The following MTMR7 variants were observed in gnomAD, a reference collection of about 807,000 sequenced individuals.
The protein encoded by MTMR7 is myotubularin related protein 7, also known as phosphatidylinositol-3-phosphate phosphatase MTMR7.
A neutral mutation model predicts 81.2 loss-of-function variants in MTMR7; 76 were observed. The ratio of observed to expected loss-of-function variants is 0.94; its 90% confidence interval spans 0.78 to 1.13. The LOEUF (loss-of-function observed/expected upper bound fraction) is 1.13, where lower values mean the gene tolerates loss of function less well. Among genes scored for constraint, MTMR7 ranks in the 50% most tolerant of loss-of-function variants. MTMR7 has a pLI of 0.00. For missense variants in MTMR7, 1,044 were observed against 820.0 expected (o/e 1.27, Z -3.34); for synonymous variants, 372 against 289.8 (o/e 1.28, Z -2.88).
At position 17,405,865 on chromosome 8, in the gene MTMR7, C is replaced by A. The variant is rs879376142; in HGVS notation, c.24+7404G>T. ...ACACACACACACACACACACACACACACACACACACACACCACAGAGAAAA... is the reference window on the plus strand; with the variant it reads ...ACACACACACACACACACACACACAAACACACACACACACCACAGAGAAAA... On this transcript the variant is annotated intron_variant, in intron 1 of 13. Transcript: ENST00000180173. 5.1e-3 allele frequency among the ~76,000 whole-genome samples: 498 copies of A among 97,898 alleles called. 2 individuals carry two copies. The highest frequency in any genetic ancestry group is 0.014 in the Middle Eastern group (3 of 220). The allele number at this position is 97,898 out of a possible 152,430, so 64.2% of individuals were successfully genotyped here. A position where few individuals can be genotyped will look rare whatever the true frequency, so the allele number is the denominator to read the frequency against.
chr8:17,352,873 T>C (rs770314977), intron 4 of MTMR7, among the ~76,000 whole-genome samples: 2 of 152,172 alleles, frequency 1.3e-5, no homozygotes, highest in African/African-American at 2.4e-5. Context: ...GTAACCACTA[T>C]GGACAACAGC....
chr8:17,324,140 T>A (rs1022091688), intron 7 of MTMR7, among the ~76,000 whole-genome samples: 2 of 152,212 alleles, frequency 1.3e-5, no homozygotes, highest in African/African-American at 4.8e-5. Flanking sequence ...AAGCAAGATC[T>A]TTCCTTCCTG....
chr8:17,379,138 T>C (rs1820684166), intron 1 of MTMR7, among the ~76,000 whole-genome samples: 1 of 152,012 alleles, frequency 6.6e-6, no homozygotes, highest in Non-Finnish European at 1.5e-5. Context: ...GCTGCTGAGA[T>C]GGAGTAAGGC....
intron 7 of MTMR7, among the ~76,000 whole-genome samples, chr8:17,330,042 T>C (rs1332191845): frequency 6.6e-6 from 1 of 152,192 alleles, no homozygotes; most frequent in Non-Finnish European, 1.5e-5. Flanking sequence ...CAGCAGGTAA[T>C]GCAGCCCCAA....
Position 17,300,136 on chromosome 8 carries a change from G to A in MTMR7, c.1709C>T (p.Thr570Ile). 1.2e-6 allele frequency: 2 copies of A among 1,614,086 alleles called. No homozygotes were observed. Among genetic ancestry groups the A allele is most frequent in the Non-Finnish European group, 8.5e-7 (1 of 1,180,008 alleles). Residue 570 changes from threonine to isoleucine, a missense_variant, in exon 14 of 14, where the codon ACC becomes ATC. Thr to Ile is a moderately conservative substitution (Grantham distance 89). Coordinates refer to ENST00000180173, the MANE Select transcript of MTMR7 (RefSeq NM_004686.5). Reference sequence around the variant, plus strand: ...AGTGTTGGCTATGCTGTTGTCTGAGGTAGAAAACCCTGAGTGCTTGCTGGG... The same window carrying A: ...AGTGTTGGCTATGCTGTTGTCTGAGATAGAAAACCCTGAGTGCTTGCTGGG... ...SEPSKHSGFS[T>I]SDNSIANTPQ... is the part of the protein sequence containing the mutation.
intron 3 of MTMR7, among the ~76,000 whole-genome samples, chr8:17,367,756 A>G (rs986276594): frequency 1.3e-5 from 2 of 152,160 alleles, no homozygotes; most frequent in South Asian, 2.1e-4. Flanking sequence ...TTCCCTTTCA[A>G]TAGTTACACC....
At chr8:17,329,095 G>A (rs1212681823) in intron 7 of MTMR7, among the ~76,000 whole-genome samples, 1 of 152,164 alleles carries the variant, frequency 6.6e-6, no homozygotes, top group African/African-American at 2.4e-5. Flanking sequence ...CATAACAGTA[G>A]TAAAAAATAA....
In MTMR7 at chr8:17,361,210, T is replaced by G; in HGVS notation, c.375A>C (p.Gln125His). The G allele has an allele frequency of 6.2e-7, 1 of 1,614,154 alleles. No individual in the cohort carries two copies. The highest frequency in any genetic ancestry group is 8.5e-7 in the Non-Finnish European group (1 of 1,180,000). ...NPMLDKEERE[Q>H]GWVLIDLSEE... ...CACTAAGATCGATCAGCACCCAGCCTTGCTCTCTTTCTTCTTTATCCAGCA... is the reference window on the plus strand; with the variant it reads ...CACTAAGATCGATCAGCACCCAGCCGTGCTCTCTTTCTTCTTTATCCAGCA... Residue 125 changes from glutamine (Q) to histidine (H), a missense_variant, in exon 4 of 14, where the codon CAA becomes CAC. Gln to His is a conservative substitution (Grantham distance 24). Transcript: ENST00000180173.
At chr8:17,335,333 C>A (rs568843372) in intron 6 of MTMR7, among the ~76,000 whole-genome samples, 18 of 152,230 alleles carry the variant, frequency 1.2e-4, no homozygotes, top group African/African-American at 3.9e-4. Flanking sequence ...GCATAAATGA[C>A]TGGATAACAG....
chr8:17,408,395 CAAAAAA>C (rs530240881), intron 1 of MTMR7, among the ~76,000 whole-genome samples: 3 of 23,488 alleles, frequency 1.3e-4, no homozygotes, highest in African/African-American at 2.8e-4. Context: ...GACTCCGTCT[CAAAAAA>C]AAAAAAAAAA....
chr8:17,390,137 C>T (rs574065702), intron 1 of MTMR7, among the ~76,000 whole-genome samples: 49 of 151,514 alleles, frequency 3.2e-4, no homozygotes, highest in Non-Finnish European at 6.9e-4. Flanking sequence ...AAAGAAATAA[C>T]TGACACTGGG....
chr8:17,329,549 C>G (rs1250066329), intron 7 of MTMR7, among the ~76,000 whole-genome samples: 1 of 152,108 alleles, frequency 6.6e-6, no homozygotes, highest in Non-Finnish European at 1.5e-5. Context: ...AAACAAAAGC[C>G]AAATGTGTAT....
rs140695671 is a variant in MTMR7, at chr8:17,373,227, C to A, written c.38G>T (p.Arg13Leu). 1 of 1,611,786 alleles carries A rather than the reference C, an allele frequency of 6.2e-7. No homozygotes were observed. The highest frequency in any genetic ancestry group is 8.5e-7 in the Non-Finnish European group (1 of 1,178,980). ...HIRTPKVENV[R>L]LVDRVSPKKA... ...TTTAGGAGACACTCGATCTACCAAG[C>A]GGACATTTTCAACCTAGAGAAATCG... Residue 13 changes from arginine to leucine, a missense_variant, in exon 2 of 14, where the codon CGC (arginine) becomes CTC (leucine). By Grantham distance (102) the Arg-to-Leu change is moderately radical. Coordinates refer to ENST00000180173, the MANE Select transcript of MTMR7 (RefSeq NM_004686.5).
chr8:17,376,449 A>G (rs771061865), intron 1 of MTMR7, among the ~76,000 whole-genome samples: 2 of 152,170 alleles, frequency 1.3e-5, no homozygotes, highest in African/African-American at 2.4e-5. Flanking sequence ...TCTTGGCTAT[A>G]CTTAGGAGCA....
intron 1 of MTMR7, among the ~76,000 whole-genome samples, chr8:17,390,175 G>A (rs769911066): frequency 6.4e-4 from 97 of 152,094 alleles, no homozygotes; most frequent in Non-Finnish European, 9.1e-4. Flanking sequence ...AGGTTTAATC[G>A]GCTCGTGGTT....
At chr8:17,310,991 C>T (rs528874934) in intron 9 of MTMR7, among the ~76,000 whole-genome samples, 2 of 152,160 alleles carry the variant, frequency 1.3e-5, no homozygotes, top group Non-Finnish European at 2.9e-5. Context: ...ATATACTCGT[C>T]ATTTCAGCAA....
intron 12 of MTMR7, among the ~76,000 whole-genome samples, chr8:17,302,890 T>G (rs1360238716): frequency 1.3e-5 from 2 of 151,828 alleles, no homozygotes; most frequent in Non-Finnish European, 2.9e-5. Flanking sequence ...ATATTTTTTT[T>G]AGTAGAGACA....
chr8:17,382,871 A>T (rs1820801547), intron 1 of MTMR7, among the ~76,000 whole-genome samples: 1 of 152,216 alleles, frequency 6.6e-6, no homozygotes, highest in African/African-American at 2.4e-5. Flanking sequence ...TAAAATACAC[A>T]ACAGTTAATG....
At chr8:17,347,045 A>G (rs1028499263) in intron 5 of MTMR7, among the ~76,000 whole-genome samples, 2 of 151,816 alleles carry the variant, frequency 1.3e-5, no homozygotes, top group Admixed American at 1.3e-4. Flanking sequence ...AATGCAAAAC[A>G]ATTAGCTGGG....
Sources: allele counts gnomAD v4.1 joint callset (sites outside exome capture counted in the v4.1 genomes callset), GRCh38; gene constraint gnomAD v4.1.1; transcripts MANE v1.5; gene names NCBI Gene and HGNC (gene_info 2026-07-23, HGNC 2026-07-21).